FRMPD1: variants seen among roughly 807,000 people sequenced by gnomAD.
FRMPD1 encodes the protein FERM and PDZ domain-containing protein 1.
A neutral mutation model predicts 117.8 loss-of-function variants in FRMPD1; 76 were observed. The observed-to-expected ratio is 0.65, with a 90% CI of 0.54 to 0.78. FRMPD1 has a LOEUF of 0.78. Ranked by LOEUF, FRMPD1 falls within the 30% of genes least tolerant of loss-of-function variation. FRMPD1 has a pLI of 0.00. For synonymous variants in FRMPD1, 783 were observed against 770.4 expected (o/e 1.02, Z -0.27); for missense variants, 1,786 against 1,964.5 (o/e 0.91, Z 1.72).
intron 1 of FRMPD1, among the ~76,000 whole-genome samples, chr9:37,682,019 G>A (rs1821747336): frequency 6.6e-6 from 1 of 152,222 alleles, no homozygotes; most frequent in Non-Finnish European, 1.5e-5. Context: ...CCTAAATGTG[G>A]TGGGTTTGAG....
chr9:37,604,709 G>A, the FRMPD1 span, among the ~76,000 whole-genome samples: 1 of 152,194 alleles, frequency 6.6e-6, no homozygotes, highest in Non-Finnish European at 1.5e-5. Context: ...AAATGTTAGC[G>A]TGAAGATGTG....
At chr9:37,726,419 C>T (rs937431383) in intron 7 of FRMPD1, among the ~76,000 whole-genome samples, 2 of 152,060 alleles carry the variant, frequency 1.3e-5, no homozygotes, top group Admixed American at 6.6e-5. Flanking sequence ...ACCCAGGGGC[C>T]GGGTGCAGTG....
intron 1 of FRMPD1, among the ~76,000 whole-genome samples, chr9:37,658,515 T>C (rs1820906148): frequency 6.6e-6 from 1 of 152,178 alleles, no homozygotes. Flanking sequence ...CTTGAACAGT[T>C]CTGGAGGCCA....
chr9:37,632,228 A>G, the FRMPD1 span, among the ~76,000 whole-genome samples: 1 of 152,180 alleles, frequency 6.6e-6, no homozygotes, highest in African/African-American at 2.4e-5. Flanking sequence ...CCGTAATTTA[A>G]CAGTATCCTA....
upstream of FRMPD1, among the ~76,000 whole-genome samples, chr9:37,647,194 C>T (rs1436480040): frequency 6.6e-6 from 1 of 152,002 alleles, no homozygotes; most frequent in Admixed American, 6.6e-5. Context: ...AATGACTCTT[C>T]AGAGTGACAA....
chr9:37,698,186 A>C (rs1308718770), intron 2 of FRMPD1, among the ~76,000 whole-genome samples: 1 of 152,236 alleles, frequency 6.6e-6, no homozygotes, highest in African/African-American at 2.4e-5. Context: ...CATTGCTTCT[A>C]AGCTTACAAA....
chr9:37,642,586 G>GC, the FRMPD1 span, among the ~76,000 whole-genome samples: 3 of 152,224 alleles, frequency 2.0e-5, no homozygotes, highest in African/African-American at 7.2e-5. Context: ...CAAATATTAG[G>GC]TCTCAATAAA....
At chr9:37,719,223 C>T in intron 6 of FRMPD1, 47 bp downstream of exon 6, 2 of 1,152,072 alleles carry the variant, frequency 1.7e-6, no homozygotes, top group Non-Finnish European at 2.6e-6. Context: ...GGCGAGCTGC[C>T]TTCTGGCACA....
chr9:37,620,640 G>A, the FRMPD1 span, among the ~76,000 whole-genome samples: 10 of 152,118 alleles, frequency 6.6e-5, no homozygotes, highest in South Asian at 1.7e-3. Context: ...TGGAGCACTG[G>A]GTTTTCCTTT....
At chr9:37,664,005 T>G (rs1821077579) in intron 1 of FRMPD1, among the ~76,000 whole-genome samples, 1 of 152,196 alleles carries the variant, frequency 6.6e-6, no homozygotes, top group African/African-American at 2.4e-5. Context: ...GCCCCAGATA[T>G]GAAGGGCTGA....
the FRMPD1 span, among the ~76,000 whole-genome samples, chr9:37,618,458 T>G: frequency 2.7e-3 from 404 of 152,180 alleles, 4 homozygotes; most frequent in African/African-American, 9.4e-3. Flanking sequence ...TTGGTCTCCT[T>G]GTCTCTTTTC....
chr9:37,694,970 C>A (rs1257763600), intron 2 of FRMPD1, among the ~76,000 whole-genome samples: 4 of 151,466 alleles, frequency 2.6e-5, no homozygotes, highest in Non-Finnish European at 4.4e-5. Flanking sequence ...GTTGATTTAA[C>A]ATAAACATTT....
At chr9:37,636,781 C>T in the FRMPD1 span, 1 of 1,609,632 alleles carries the variant, frequency 6.2e-7, no homozygotes, top group South Asian at 1.1e-5. Context: ...GCCCCATCTG[C>T]TTTTTGATCT....
At chr9:37,689,525 A>G (rs72724118) in intron 1 of FRMPD1, among the ~76,000 whole-genome samples, 19,940 of 152,156 alleles carry the variant, frequency 0.13, 1,631 homozygotes, top group Middle Eastern at 0.19. Context: ...GTCTTCATGC[A>G]TCTCAACAGT....
At chr9:37,705,358 C>T (rs755088314) in intron 2 of FRMPD1, among the ~76,000 whole-genome samples, 4 of 152,210 alleles carry the variant, frequency 2.6e-5, no homozygotes, top group African/African-American at 4.8e-5. Flanking sequence ...GAGATAGTCT[C>T]GCTCTGTCAC....
At chr9:37,627,922 A>G in the FRMPD1 span, among the ~76,000 whole-genome samples, 2 of 152,140 alleles carry the variant, frequency 1.3e-5, no homozygotes, top group African/African-American at 4.8e-5. Context: ...TTTAAATTCA[A>G]CTCAATTCAA....
Position 37,744,687 on chromosome 9 carries a change from C to T in FRMPD1, c.2655C>T (p.Ser885=). Residue 885 remains serine (S), a synonymous_variant, in exon 16 of 16, where the codon TCC becomes TCT. Transcript: ENST00000377765. ...TTGGTGCACCCTCCCCAACTGTGTCCTCTCTGCAGGACATGCAGGGTGAGC... is the reference window on the plus strand; with the variant it reads ...TTGGTGCACCCTCCCCAACTGTGTCTTCTCTGCAGGACATGCAGGGTGAGC... The part of the protein sequence containing the change: ...LALGAPSPTV[S]SLQDMQGEPG... 1 of 1,614,112 alleles carries T rather than the reference C, an allele frequency of 6.2e-7. No homozygotes were observed. Among genetic ancestry groups the T allele is most frequent in the Non-Finnish European group, 8.5e-7 (1 of 1,180,018 alleles).
intron 1 of FRMPD1, among the ~76,000 whole-genome samples, chr9:37,655,223 C>G (rs1404883671): frequency 6.6e-6 from 1 of 152,176 alleles, no homozygotes; most frequent in Non-Finnish European, 1.5e-5. Flanking sequence ...GACCAAGTGA[C>G]CTTGCCCTGT....
chr9:37,725,943 C>A (rs7043318), intron 7 of FRMPD1, among the ~76,000 whole-genome samples: 64,511 of 152,066 alleles, frequency 0.42, 13,910 homozygotes, highest in South Asian at 0.54. Context: ...ATCATCTTTG[C>A]TCAAAGTGGA....
Sources: allele counts gnomAD v4.1 joint callset (sites outside exome capture counted in the v4.1 genomes callset), GRCh38; gene constraint gnomAD v4.1.1; transcripts MANE v1.5; gene names NCBI Gene and HGNC (gene_info 2026-07-23, HGNC 2026-07-21).